The following KLHDC10 variants were observed in gnomAD, a reference collection of about 807,000 sequenced individuals.
KLHDC10 encodes the protein kelch domain containing 10, also known as kelch domain-containing protein 10.
Under a neutral mutation model 56.1 loss-of-function variants are expected in KLHDC10, and 24 were observed. That is an observed-to-expected ratio of 0.43 (90% CI 0.31 to 0.60). KLHDC10 has a LOEUF of 0.60. Ranked by LOEUF, KLHDC10 falls within the 20% of genes least tolerant of loss-of-function variation. KLHDC10 has a pLI of 0.11. For missense variants in KLHDC10, 349 were observed against 567.0 expected (o/e 0.62, Z 3.91); for synonymous variants, 188 against 207.1 (o/e 0.91, Z 0.79).
chr7:130,121,206 C>T (rs1285210012), intron 4 of KLHDC10, among the ~76,000 whole-genome samples: 1 of 151,992 alleles, frequency 6.6e-6, no homozygotes, highest in East Asian at 1.9e-4. Context: ...CCACCTCTAC[C>T]CTCACCCCCC....
Position 130,129,042 on chromosome 7 carries a change from G to A in KLHDC10, c.980-395G>A, listed in dbSNP as rs78746127. 4.6e-4 allele frequency among the ~76,000 whole-genome samples: 69 copies of A among 151,526 alleles called. No homozygotes were observed. In the East Asian group the frequency reaches 0.012, roughly 25 times the overall value. On this transcript the variant is annotated intron_variant, in intron 8 of 9. Coordinates refer to ENST00000335420, the MANE Select transcript of KLHDC10 (RefSeq NM_014997.4). ...CCAGCCTTAAGTCTGTTATAGGACCGAACAGCTGGGGCTGCATAGCTGTCG... is the reference window on the plus strand; with the variant it reads ...CCAGCCTTAAGTCTGTTATAGGACCAAACAGCTGGGGCTGCATAGCTGTCG...
At chr7:130,129,345 G>A (rs878896877) in intron 8 of KLHDC10, 92 bp from the exon 9 acceptor site, 7 of 1,426,818 alleles carry the variant, frequency 4.9e-6, no homozygotes, top group Non-Finnish European at 6.7e-6. Context: ...TTCACTGGCC[G>A]CATGTCAGCT....
At chr7:130,108,440 C>T (rs957723460) in intron 2 of KLHDC10, among the ~76,000 whole-genome samples, 1 of 151,444 alleles carries the variant, frequency 6.6e-6, no homozygotes, top group Non-Finnish European at 1.5e-5. Flanking sequence ...CGGTGGCTCA[C>T]GCCTGTAATC....
Position 130,128,919 on chromosome 7 carries a change from T to TATATATATATATATAC in KLHDC10, c.980-517_980-516insTATATATATATATACA, listed in dbSNP as rs1292651924. Among the ~76,000 whole-genome samples, 146 of 115,578 alleles carry TATATATATATATATAC rather than the reference T, an allele frequency of 1.3e-3. 1 individual carries two copies. The highest frequency in any genetic ancestry group is 8.7e-3 in the Middle Eastern group (2 of 230). 75.8% of individuals were successfully genotyped at this position (115,578 alleles called of 152,430 possible). A position where few individuals can be genotyped will look rare whatever the true frequency, so the allele number is the denominator to read the frequency against. ...ATATATATATATATATATATATATA[T>TATATATATATATATAC]ACATACTAGCCAAAACTTAAAAATC... On this transcript the variant is annotated intron_variant, in intron 8 of 9. Transcript: ENST00000335420.
intron 2 of KLHDC10, among the ~76,000 whole-genome samples, chr7:130,105,266 A>G (rs921501639): frequency 1.3e-5 from 2 of 152,246 alleles, no homozygotes; most frequent in Non-Finnish European, 1.5e-5. Flanking sequence ...TATAGCCAAC[A>G]GAAATGTGAG....
At chr7:130,072,073 G>T (rs1331131172) in intron 1 of KLHDC10, among the ~76,000 whole-genome samples, 1 of 152,020 alleles carries the variant, frequency 6.6e-6, no homozygotes, top group Non-Finnish European at 1.5e-5. Context: ...GGGCATCCTA[G>T]AATTGCTAAA....
Position 130,130,645 on chromosome 7 carries a change from T to G in KLHDC10, c.1228T>G (p.Trp410Gly). ...GGTACCTAGCCTGCTGGAACTGGCATGGGAGAAGCTGCTTGCGGCCTTCCC... is the reference window on the plus strand; with the variant it reads ...GGTACCTAGCCTGCTGGAACTGGCAGGGGAGAAGCTGCTTGCGGCCTTCCC... The part of the protein sequence containing the change: ...LVVPSLLELA[W>G]EKLLAAFPNL... The change falls in exon 10 of 10, where the codon TGG becomes GGG. Residue 410 changes from tryptophan to glycine, a missense_variant. Physicochemically the swap from Trp to Gly is radical, Grantham distance 184 (BLOSUM62 -2). This residue lies in a region of KLHDC10 where 245 missense variants were observed against 470.1 expected (regional missense o/e 0.52). Coordinates refer to ENST00000335420, the MANE Select transcript of KLHDC10 (RefSeq NM_014997.4). This position sits in a 1 kb window ranked among gnomAD's most constrained non-coding sequence, Gnocchi z 4.2. The G allele has an allele frequency of 6.2e-7, 1 of 1,614,180 alleles. No homozygotes were observed. The highest frequency in any genetic ancestry group is 8.5e-7 in the Non-Finnish European group (1 of 1,180,030).
In KLHDC10 at chr7:130,133,189, A is replaced by T. The variant is rs1796423712; in HGVS notation, c.*2443A>T. 1 of 152,250 alleles carries T rather than the reference A, an allele frequency of 6.6e-6. No individual in the cohort carries two copies. Among genetic ancestry groups the T allele is most frequent in the African/African-American group, 2.4e-5 (1 of 41,452 alleles). 9.4% of individuals were successfully genotyped at this position (152,250 alleles called of 1,614,324 possible). A position where few individuals can be genotyped will look rare whatever the true frequency, so the allele number is the denominator to read the frequency against. ...GTGTACATGTTCTGGATGCCAAATG[A>T]GACTGTGTGTAAATGACTAAGTGTA... On this transcript the variant is annotated 3_prime_UTR_variant, in exon 10 of 10. Transcript: ENST00000335420.
At position 130,116,098 on chromosome 7, in the gene KLHDC10, G is replaced by A. The variant is rs910042873; in HGVS notation, c.254-347G>A. Among the ~76,000 whole-genome samples, 3 of 151,984 alleles carry A rather than the reference G, an allele frequency of 2.0e-5. No homozygotes were observed. Among genetic ancestry groups the A allele is most frequent in the Non-Finnish European group, 2.9e-5 (2 of 67,984 alleles). On this transcript the variant is annotated intron_variant, in intron 2 of 9. Transcript: ENST00000335420. The surrounding 1 kb of genome is among the most constrained non-coding windows in gnomAD (Gnocchi z 4.8). ...CTCCTCTAAGGAAATAAGAAAACTT[G>A]TCCTGTTAGCTTTTGGATTATTAAA...
At chr7:130,084,430 G>C (rs925669784) in intron 1 of KLHDC10, among the ~76,000 whole-genome samples, 5 of 152,146 alleles carry the variant, frequency 3.3e-5, no homozygotes, top group Admixed American at 3.3e-4. Context: ...TTTGAAAGTA[G>C]CATTAATAGG....
At chr7:130,109,226 T>A (rs1031532731) in intron 2 of KLHDC10, among the ~76,000 whole-genome samples, 28 of 138,314 alleles carry the variant, frequency 2.0e-4, no homozygotes, top group Admixed American at 3.6e-4. Context: ...TTTTTTTTTT[T>A]AATTTTTTAA....
At chr7:130,108,942 T>C (rs1584632426) in intron 2 of KLHDC10, among the ~76,000 whole-genome samples, 1 of 152,266 alleles carries the variant, frequency 6.6e-6, no homozygotes, top group South Asian at 2.1e-4. Flanking sequence ...TGAGACAGGC[T>C]GTCACCCTGT....
rs1379664218 is a variant in KLHDC10 at position 130,124,532 on chromosome 7, C to G, written c.861C>G (p.Asn287Lys). Residue 287 changes from asparagine (N) to lysine (K), a missense_variant, in exon 6 of 10, where the codon AAC becomes AAG. Coordinates refer to ENST00000335420, the MANE Select transcript of KLHDC10 (RefSeq NM_014997.4). The part of the protein sequence containing the change: ...GGTSWTAYSL[N>K]KIHAYNLETN... ...CTTCCTGGACAGCATATTCCTTAAACAAGGTATATTTTTTTAAAAAGAAAA... is the reference window on the plus strand; with the variant it reads ...CTTCCTGGACAGCATATTCCTTAAAGAAGGTATATTTTTTTAAAAAGAAAA... 6.5e-7 allele frequency: 1 copy of G among 1,535,242 alleles called. No homozygotes were observed. The highest frequency in any genetic ancestry group is 9.0e-7 in the Non-Finnish European group (1 of 1,110,682).
chr7:130,073,503 C>T (rs1795453053), intron 1 of KLHDC10, among the ~76,000 whole-genome samples: 1 of 151,984 alleles, frequency 6.6e-6, no homozygotes, highest in Non-Finnish European at 1.5e-5. Flanking sequence ...GCCATGTTGG[C>T]CAGGCTGGGC....
At chr7:130,117,701 AT>A (rs1796185466) in intron 3 of KLHDC10, 1 of 152,088 alleles carries the variant, frequency 6.6e-6, no homozygotes, top group Non-Finnish European at 1.5e-5. Flanking sequence ...AAATAAAAAA[AT>A]TAACCAGGCA....
rs1399411420 is a variant in KLHDC10, at chr7:130,131,566, CTT to C, written c.*821_*822del. The C allele has an allele frequency of 2.0e-5, 3 of 152,192 alleles. No homozygotes were observed. The highest frequency in any genetic ancestry group is 4.4e-5 in the Non-Finnish European group (3 of 68,042). 9.4% of individuals were successfully genotyped at this position (152,192 alleles called of 1,614,324 possible). On this transcript the variant is annotated 3_prime_UTR_variant, in exon 10 of 10. Coordinates refer to ENST00000335420, the MANE Select transcript of KLHDC10 (RefSeq NM_014997.4). The stretch of plus-strand genomic sequence containing the variant: ...TTCATTCTGGCAGTTTTGAAACTCT[CTT>C]ATGCTTATTAATGGTTTTAAATATC...
At chr7:130,123,203 C>T (rs538596846) in intron 5 of KLHDC10, among the ~76,000 whole-genome samples, 25 of 152,240 alleles carry the variant, frequency 1.6e-4, no homozygotes, top group African/African-American at 5.5e-4. Context: ...TGTGGCTGGG[C>T]GCAGCCTGTA....
intron 1 of KLHDC10, among the ~76,000 whole-genome samples, chr7:130,072,547 A>G (rs1795432189): frequency 6.6e-6 from 1 of 152,062 alleles, no homozygotes; most frequent in African/African-American, 2.4e-5. Context: ...CTCATTCTCA[A>G]AATTGGGACA....
At chr7:130,081,974 C>G (rs1413151894) in intron 1 of KLHDC10, among the ~76,000 whole-genome samples, 1 of 152,158 alleles carries the variant, frequency 6.6e-6, no homozygotes, top group African/African-American at 2.4e-5. Flanking sequence ...CTCCCACCCC[C>G]TACCACAGCC....
Sources: gnomAD v4.1 joint callset for allele counts (sites outside exome capture counted in the v4.1 genomes callset) on GRCh38, gnomAD v4.1.1 for gene constraint, gnomAD v4.1.1 regional missense constraint, Gnocchi (gnomAD v3.1) non-coding constraint, MANE v1.5 for transcripts, NCBI Gene and HGNC (gene_info 2026-07-23, HGNC 2026-07-21) for gene names.